PTPRD: variants seen among roughly 807,000 people sequenced by gnomAD.
The protein encoded by PTPRD is receptor-type tyrosine-protein phosphatase delta.
In PTPRD, 34 loss-of-function variants were observed where a neutral mutation model predicts 214.5. The observed-to-expected ratio is 0.16, with a 90% confidence interval of 0.12 to 0.21. The LOEUF (loss-of-function observed/expected upper bound fraction) is 0.21, where lower values mean the gene tolerates loss of function less well. Among genes scored for constraint, PTPRD ranks in the 10% least tolerant of loss-of-function variants. The pLI, the probability that PTPRD is intolerant of heterozygous loss-of-function variation, is 1.00. For missense variants in PTPRD, 2,545 were observed against 2,398.7 expected (o/e 1.06, Z -1.27); for synonymous variants, 1,128 against 845.7 (o/e 1.33, Z -5.79).
At chr9:9,087,985 G>C (rs71497124) in intron 10 of PTPRD, among the ~76,000 whole-genome samples, 2 of 137,026 alleles carry the variant, frequency 1.5e-5, no homozygotes, top group Non-Finnish European at 1.5e-5. Flanking sequence ...AGGTTCAAGA[G>C]ATTCTCTTGC....
intron 8 of PTPRD, among the ~76,000 whole-genome samples, chr9:9,487,540 T>C (rs1210777916): frequency 3.4e-5 from 5 of 148,222 alleles, no homozygotes; most frequent in African/African-American, 1.2e-4. Flanking sequence ...TGTGTCTTTA[T>C]AGCAGCATGA....
At chr9:8,776,984 C>G (rs1173633788) in intron 11 of PTPRD, among the ~76,000 whole-genome samples, 2 of 148,040 alleles carry the variant, frequency 1.4e-5, no homozygotes, top group Non-Finnish European at 3.0e-5. Context: ...TATATATATA[C>G]ATTTTTTTCT....
At chr9:9,959,665 A>T (rs1383022203) in intron 4 of PTPRD, among the ~76,000 whole-genome samples, 2 of 152,202 alleles carry the variant, frequency 1.3e-5, no homozygotes, top group Admixed American at 1.3e-4. Context: ...AGGCAAAAGG[A>T]GGTGCACAAA....
At chr9:9,922,930 T>G (rs758938833) in intron 5 of PTPRD, among the ~76,000 whole-genome samples, 1 of 145,662 alleles carries the variant, frequency 6.9e-6, no homozygotes, top group African/African-American at 2.5e-5. Flanking sequence ...ATTGGCTCAA[T>G]TGATGTAATA....
intron 2 of PTPRD, among the ~76,000 whole-genome samples, chr9:10,443,611 AGAT>A (rs1336390161): frequency 6.6e-6 from 1 of 151,680 alleles, no homozygotes. Context: ...GATGCCTCAT[AGAT>A]TTTTTTTCTT....
rs182606545 is a variant in PTPRD, at chr9:8,784,349, G to A, written c.-103-50403C>T. Among the ~76,000 whole-genome samples, 10 of 152,282 alleles carry A rather than the reference G, an allele frequency of 6.6e-5. No homozygotes were observed. The East Asian group carries it at 1.9e-3, about 29-fold the overall frequency. ...TTTCATTTCTTAAACGTAAATGCAT[G>A]CTATTACGTGTGTTCTTGTCTGTCA... is the stretch of plus-strand genomic sequence containing the variant. On this transcript the variant is annotated intron_variant, in intron 11 of 45. Transcript: ENST00000381196.
chr9:9,070,471 CA>C (rs2099742152), intron 10 of PTPRD, among the ~76,000 whole-genome samples: 2 of 152,016 alleles, frequency 1.3e-5, no homozygotes. Context: ...CAACTTTATC[CA>C]AATTTTGAAG....
intron 5 of PTPRD, among the ~76,000 whole-genome samples, chr9:9,916,106 A>G (rs975790197): frequency 4.0e-5 from 6 of 151,888 alleles, no homozygotes; most frequent in Admixed American, 2.0e-4. Flanking sequence ...AAAAACTGTC[A>G]GCTACAAATA....
At chr9:9,241,693 C>T (rs564886950) in intron 9 of PTPRD, among the ~76,000 whole-genome samples, 6 of 151,460 alleles carry the variant, frequency 4.0e-5, no homozygotes, top group Non-Finnish European at 7.4e-5. Context: ...TTTCCGTTTG[C>T]TTGGTAGATC....
intron 2 of PTPRD, among the ~76,000 whole-genome samples, chr9:10,606,720 A>C (rs766825834): frequency 6.6e-6 from 1 of 151,820 alleles, no homozygotes; most frequent in South Asian, 2.1e-4. Flanking sequence ...GTCATGTTAC[A>C]TGTGGGTAGT....
chr9:9,282,905 T>C lies in PTPRD; in HGVS notation c.-202-99542A>G, dbSNP rs149819877. Among the ~76,000 whole-genome samples, 77 of 151,646 alleles carry C rather than the reference T, an allele frequency of 5.1e-4. No homozygotes were observed. The East Asian group carries it at 0.015, about 29-fold the overall frequency. ...TAAGTTGTCATTTTTATAGAGTTAGTTATGTGAACCTTTCAATATGTTAGA... is the reference window on the plus strand; with the variant it reads ...TAAGTTGTCATTTTTATAGAGTTAGCTATGTGAACCTTTCAATATGTTAGA... On this transcript the variant is annotated intron_variant, in intron 9 of 45. Coordinates refer to ENST00000381196, the MANE Select transcript of PTPRD (RefSeq NM_002839.4).
intron 35 of PTPRD, among the ~76,000 whole-genome samples, chr9:8,433,350 T>C (rs947027231): frequency 1.3e-5 from 2 of 152,264 alleles, no homozygotes; most frequent in African/African-American, 4.8e-5. Flanking sequence ...TACTAGTTTA[T>C]GTGTTTACTA....
intron 10 of PTPRD, among the ~76,000 whole-genome samples, chr9:9,134,546 G>C (rs748828933): frequency 6.6e-6 from 1 of 152,030 alleles, no homozygotes; most frequent in Admixed American, 6.5e-5. Flanking sequence ...TTTTAAATTG[G>C]TACCACATCT....
intron 10 of PTPRD, among the ~76,000 whole-genome samples, chr9:9,058,909 TTA>T (rs1277325141): frequency 2.6e-5 from 4 of 152,136 alleles, no homozygotes; most frequent in Non-Finnish European, 5.9e-5. Context: ...TGAGGACTGA[TTA>T]TAATACATTT....
At chr9:9,765,323 T>A (rs551847172) in intron 6 of PTPRD, among the ~76,000 whole-genome samples, 2 of 152,298 alleles carry the variant, frequency 1.3e-5, no homozygotes, top group South Asian at 4.1e-4. Context: ...TATGTACATA[T>A]AACCGTATTT....
At chr9:10,478,817 T>C (rs1380789430) in intron 2 of PTPRD, among the ~76,000 whole-genome samples, 2 of 151,756 alleles carry the variant, frequency 1.3e-5, no homozygotes, top group Non-Finnish European at 2.9e-5. Context: ...ATCTGAATGT[T>C]GCATTTCCCT....
At chr9:8,748,028 G>T (rs2154457862) in intron 11 of PTPRD, among the ~76,000 whole-genome samples, 1 of 152,210 alleles carries the variant, frequency 6.6e-6, no homozygotes, top group Non-Finnish European at 1.5e-5. Flanking sequence ...CGGACCCCTG[G>T]ACCGGCCTGC....
intron 3 of PTPRD, among the ~76,000 whole-genome samples, chr9:10,318,997 T>C (rs933245742): frequency 6.6e-6 from 1 of 152,072 alleles, no homozygotes; most frequent in African/African-American, 2.4e-5. Context: ...GCTGCTGCTT[T>C]TCCCTCTCCT....
At chr9:8,724,148 T>C (rs1412234949) in intron 12 of PTPRD, among the ~76,000 whole-genome samples, 1 of 152,194 alleles carries the variant, frequency 6.6e-6, no homozygotes, top group Non-Finnish European at 1.5e-5. Context: ...CTGAACTTCA[T>C]GATTAAAAAG....
Sources: gnomAD v4.1 joint callset for allele counts (sites outside exome capture counted in the v4.1 genomes callset) on GRCh38, gnomAD v4.1.1 for gene constraint, MANE v1.5 for transcripts, NCBI Gene and HGNC (gene_info 2026-07-23, HGNC 2026-07-21) for gene names.